PCMTD1: variants seen among roughly 807,000 people sequenced by gnomAD.
PCMTD1 encodes the protein protein-L-isoaspartate O-methyltransferase domain-containing protein 1.
In PCMTD1, 12 loss-of-function variants were observed where a neutral mutation model predicts 37.6. The observed-to-expected ratio is 0.32, with a 90% confidence interval of 0.20 to 0.52. PCMTD1 has a LOEUF of 0.52. Among genes scored for constraint, PCMTD1 ranks in the 20% least tolerant of loss-of-function variants. The pLI, the probability that PCMTD1 is intolerant of heterozygous loss-of-function variation, is 0.97. For missense variants in PCMTD1, 235 were observed against 421.3 expected (o/e 0.56, Z 3.87); for synonymous variants, 117 against 135.8 (o/e 0.86, Z 0.96).
intron 2 of PCMTD1, among the ~76,000 whole-genome samples, chr8:51,852,758 AGAG>A (rs975671866): frequency 6.6e-6 from 1 of 152,228 alleles, no homozygotes; most frequent in Non-Finnish European, 1.5e-5. Flanking sequence ...ATAAAATTAA[AGAG>A]GAGAGACTGG....
chr8:51,848,494 C>G (rs866388511), intron 2 of PCMTD1, among the ~76,000 whole-genome samples: 13 of 152,128 alleles, frequency 8.5e-5, no homozygotes, highest in African/African-American at 3.1e-4. Flanking sequence ...ATAGTTCAAA[C>G]TGCATTATTA....
intron 1 of PCMTD1, among the ~76,000 whole-genome samples, chr8:51,882,067 G>A (rs959394268): frequency 2.5e-4 from 7 of 27,808 alleles, no homozygotes; most frequent in South Asian, 5.3e-3. Context: ...CTTTTCAGGC[G>A]TCATAACAAA....
At chr8:51,840,019 T>C (rs2038123659) in intron 3 of PCMTD1, among the ~76,000 whole-genome samples, 1 of 152,230 alleles carries the variant, frequency 6.6e-6, no homozygotes, top group Non-Finnish European at 1.5e-5. Context: ...ACTCTTGCAA[T>C]CAATAATTAA....
intron 1 of PCMTD1, among the ~76,000 whole-genome samples, chr8:51,861,992 G>C (rs866308857): frequency 2.0e-5 from 3 of 152,146 alleles, no homozygotes; most frequent in Admixed American, 6.6e-5. Context: ...GGGATAACAG[G>C]CGTAAGCCAC....
intron 3 of PCMTD1, chr8:51,839,400 G>C (rs2038113973): frequency 3.2e-6 from 3 of 949,028 alleles, no homozygotes; most frequent in Non-Finnish European, 3.8e-6. Flanking sequence ...TCTCGGTTTA[G>C]AACATGAAGA....
intron 4 of PCMTD1, 42 bp downstream of exon 4, chr8:51,833,472 TTTGC>T (rs779274206): frequency 1.0e-4 from 151 of 1,488,422 alleles, no homozygotes; most frequent in Middle Eastern, 8.6e-4. Context: ...CTTAAACAAA[TTTGC>T]TTGCTTCCTA....
At chr8:51,883,530 A>G (rs1003102485) in intron 1 of PCMTD1, among the ~76,000 whole-genome samples, 4 of 152,242 alleles carry the variant, frequency 2.6e-5, no homozygotes, top group African/African-American at 9.6e-5. Context: ...AAACCACAGT[A>G]AATCTCACAA....
chr8:51,831,909 A>C (rs533511605), intron 4 of PCMTD1, among the ~76,000 whole-genome samples: 2 of 152,292 alleles, frequency 1.3e-5, no homozygotes, highest in South Asian at 4.1e-4. Context: ...AGGTGCAGTA[A>C]TTTGGTTAAG....
intron 2 of PCMTD1, among the ~76,000 whole-genome samples, chr8:51,854,466 T>G (rs2038353992): frequency 6.6e-6 from 1 of 152,254 alleles, no homozygotes; most frequent in African/African-American, 2.4e-5. Flanking sequence ...TAACTAGGAC[T>G]AAGAAATAAT....
chr8:51,875,248 G>C (rs1246947932), intron 1 of PCMTD1, among the ~76,000 whole-genome samples: 2 of 152,098 alleles, frequency 1.3e-5, no homozygotes, highest in African/African-American at 4.8e-5. Flanking sequence ...AAGCACTATA[G>C]AAAACAAAGT....
At chr8:51,871,902 G>A (rs942488828) in intron 1 of PCMTD1, among the ~76,000 whole-genome samples, 1 of 152,074 alleles carries the variant, frequency 6.6e-6, no homozygotes, top group Non-Finnish European at 1.5e-5. Context: ...TTAAAAAGAA[G>A]CTCTCTTGGA....
At position 51,818,146 on chromosome 8, in the gene PCMTD1, T is replaced by C. The variant is rs774471484; in HGVS notation, c.*2205A>G. On this transcript the variant is annotated 3_prime_UTR_variant, in exon 6 of 6. Transcript: ENST00000522514. ...ATTCTAATATATCTGCATTAATAGA[T>C]AAAAAGGCTTTAGCTTTAATTTTCA... 5 of 321,070 alleles carry C rather than the reference T, an allele frequency of 1.6e-5. No homozygotes were observed. The Admixed American group carries it at 1.8e-4, about 12-fold the overall frequency. The allele number at this position is 321,070 out of a possible 1,614,324, so 19.9% of individuals were successfully genotyped here.
At chr8:51,883,292 G>A (rs1236373429) in intron 1 of PCMTD1, among the ~76,000 whole-genome samples, 1 of 152,072 alleles carries the variant, frequency 6.6e-6, no homozygotes, top group Non-Finnish European at 1.5e-5. Flanking sequence ...AATTTTCCAT[G>A]GCCTGAATTA....
chr8:51,829,794 C>T (rs2037973949), intron 5 of PCMTD1, among the ~76,000 whole-genome samples: 1 of 151,946 alleles, frequency 6.6e-6, no homozygotes, highest in African/African-American at 2.4e-5. Flanking sequence ...ACAAATATTA[C>T]TCCATATAGT....
At chr8:51,894,122 C>T (rs9298467) in intron 1 of PCMTD1, among the ~76,000 whole-genome samples, 95,114 of 151,972 alleles carry the variant, frequency 0.63, 35,169 homozygotes, top group Non-Finnish European at 0.81. Flanking sequence ...ATACGGTGTA[C>T]GCTGTATAAA....
At chr8:51,896,883 C>CAAAA (rs34125033) in intron 1 of PCMTD1, among the ~76,000 whole-genome samples, 1 of 128,962 alleles carries the variant, frequency 7.8e-6, no homozygotes. Context: ...CGCACTATTA[C>CAAAA]AAAAAAAAAA....
intron 2 of PCMTD1, among the ~76,000 whole-genome samples, chr8:51,851,125 A>T (rs568051306): frequency 3.9e-5 from 6 of 152,284 alleles, no homozygotes; most frequent in Admixed American, 1.3e-4. Context: ...AACATCAAAC[A>T]CTGTCAAATT....
At chr8:51,884,703 C>CT (rs1458391312) in intron 1 of PCMTD1, among the ~76,000 whole-genome samples, 1 of 152,198 alleles carries the variant, frequency 6.6e-6, no homozygotes, top group East Asian at 1.9e-4. Flanking sequence ...CAATAGACAG[C>CT]TTTCCCCAGC....
chr8:51,860,798 C>T (rs774028274), intron 2 of PCMTD1, 47 bp downstream of exon 2: 8 of 1,439,794 alleles, frequency 5.6e-6, no homozygotes, highest in South Asian at 1.4e-5. Flanking sequence ...AACCATAATA[C>T]AAAATGGCTT....
Sources: gnomAD v4.1 joint callset for allele counts (sites outside exome capture counted in the v4.1 genomes callset) on GRCh38, gnomAD v4.1.1 for gene constraint, MANE v1.5 for transcripts, NCBI Gene and HGNC (gene_info 2026-07-23, HGNC 2026-07-21) for gene names.